Variants in LHFPL3 observed in about 807,000 individuals in gnomAD.
The protein encoded by LHFPL3 is LHFPL tetraspan subfamily member 3.
A neutral mutation model predicts 19.3 loss-of-function variants in LHFPL3; 5 were observed. The observed-to-expected ratio is 0.26, with a 90% CI of 0.14 to 0.54. The LOEUF (loss-of-function observed/expected upper bound fraction) is 0.54, where lower values mean the gene tolerates loss of function less well. Among genes scored for constraint, LHFPL3 ranks in the 20% least tolerant of loss-of-function variants. LHFPL3 has a pLI of 0.94. For synonymous variants in LHFPL3, 133 were observed against 126.2 expected (o/e 1.05, Z -0.36); for missense variants, 249 against 307.4 (o/e 0.81, Z 1.42).
intron 2 of LHFPL3, among the ~76,000 whole-genome samples, chr7:104,786,091 G>C (rs1192237144): frequency 6.6e-6 from 1 of 152,110 alleles, no homozygotes; most frequent in East Asian, 1.9e-4. Flanking sequence ...AGAAGCAACT[G>C]GTGCCTCATG....
At chr7:104,596,288 G>A (rs1362010686) in intron 1 of LHFPL3, among the ~76,000 whole-genome samples, 5 of 152,216 alleles carry the variant, frequency 3.3e-5, no homozygotes. Flanking sequence ...GCAATGAAGA[G>A]CTTCCCTGTG....
At chr7:104,525,437 CAGTT>C in intron 1 of LHFPL3, among the ~76,000 whole-genome samples, 1 of 152,104 alleles carries the variant, frequency 6.6e-6, no homozygotes, top group South Asian at 2.1e-4. Context: ...AAACCCAAGT[CAGTT>C]AATTTAAGCA....
At chr7:104,438,754 A>G (rs1792161679) in intron 1 of LHFPL3, among the ~76,000 whole-genome samples, 1 of 152,126 alleles carries the variant, frequency 6.6e-6, no homozygotes, top group African/African-American at 2.4e-5. Flanking sequence ...ACATATTAGG[A>G]ACAGAGATCA....
intron 1 of LHFPL3, among the ~76,000 whole-genome samples, chr7:104,557,374 G>C (rs1789865917): frequency 1.3e-5 from 2 of 152,166 alleles, no homozygotes; most frequent in African/African-American, 4.8e-5. Flanking sequence ...CGTTTTACAT[G>C]GATGGCAGCA....
chr7:104,900,320 GA>G (rs1792457801), intron 2 of LHFPL3, among the ~76,000 whole-genome samples: 1 of 152,176 alleles, frequency 6.6e-6, no homozygotes, highest in African/African-American at 2.4e-5. Context: ...TGGAAGAAGA[GA>G]AAGAGACGTT....
At chr7:104,628,133 G>C (rs1256486076) in intron 1 of LHFPL3, among the ~76,000 whole-genome samples, 2 of 152,110 alleles carry the variant, frequency 1.3e-5, no homozygotes, top group Non-Finnish European at 2.9e-5. Flanking sequence ...TGAGGTATGT[G>C]GCAATGACAG....
chr7:104,374,282 A>G (rs2116438183), intron 1 of LHFPL3, among the ~76,000 whole-genome samples: 1 of 151,208 alleles, frequency 6.6e-6, no homozygotes, highest in African/African-American at 2.4e-5. Context: ...TTGCTCTGTC[A>G]CCAGGCTGGA....
At chr7:104,903,668 ATTG>A (rs1792538201) in intron 2 of LHFPL3, among the ~76,000 whole-genome samples, 1 of 151,804 alleles carries the variant, frequency 6.6e-6, no homozygotes, top group Non-Finnish European at 1.5e-5. Flanking sequence ...TTTTCGCCAT[ATTG>A]ACCAGGCTGG....
intron 1 of LHFPL3, among the ~76,000 whole-genome samples, chr7:104,365,660 A>G (rs1465914732): frequency 1.3e-5 from 2 of 149,480 alleles, no homozygotes; most frequent in African/African-American, 4.9e-5. Context: ...GGGCGCCTGT[A>G]GTCCCAGCTA....
chr7:104,415,337 T>C (rs1042265529), intron 1 of LHFPL3, among the ~76,000 whole-genome samples: 1 of 152,220 alleles, frequency 6.6e-6, no homozygotes, highest in South Asian at 2.1e-4. Flanking sequence ...CCTACTGTTT[T>C]TGATACGTTT....
chr7:104,571,419 C>T (rs1790228409), intron 1 of LHFPL3, among the ~76,000 whole-genome samples: 1 of 152,104 alleles, frequency 6.6e-6, no homozygotes, highest in African/African-American at 2.4e-5. Context: ...TGTGTTTCAG[C>T]ATAAATCACA....
At position 104,622,463 on chromosome 7, in the gene LHFPL3, A is replaced by G. The variant is rs188379499; in HGVS notation, c.446-114212A>G. ...TTTATCTAGATATAATTCACATACC[A>G]TAAAACTGACATATTTGAAGTGTAC... On this transcript the variant is annotated intron_variant, in intron 1 of 2. Coordinates refer to ENST00000424859, the MANE Select transcript of LHFPL3 (RefSeq NM_199000.3). 3.9e-5 allele frequency among the ~76,000 whole-genome samples: 6 copies of G among 152,338 alleles called. No individual in the cohort carries two copies. The East Asian group carries it at 1.2e-3, about 29-fold the overall frequency.
intron 1 of LHFPL3, among the ~76,000 whole-genome samples, chr7:104,382,665 G>C (rs1197726910): frequency 1.2e-4 from 18 of 152,294 alleles, no homozygotes; most frequent in Non-Finnish European, 2.9e-5. Context: ...GTCACTCTCT[G>C]TATGCCCCAT....
rs779890301 is a variant in LHFPL3, at chr7:104,482,899, C to A, written c.445+153675C>A. ...AGCATAATTCCTCACAAGGCCAAGT[C>A]TCCATGTGGGTTTTTGTTTGTAGGA... On this transcript the variant is annotated intron_variant, in intron 1 of 2. Transcript: ENST00000424859. Among the ~76,000 whole-genome samples, 12 of 152,350 alleles carry A rather than the reference C, an allele frequency of 7.9e-5. No individual in the cohort carries two copies. The Middle Eastern group carries it at 0.01, about 130-fold the overall frequency.
At chr7:104,442,684 TTTAG>T (rs1282048553) in intron 1 of LHFPL3, among the ~76,000 whole-genome samples, 1 of 152,166 alleles carries the variant, frequency 6.6e-6, no homozygotes, top group Non-Finnish European at 1.5e-5. Context: ...CCAGGCAATG[TTTAG>T]TTAGATTATT....
At chr7:104,621,425 G>A (rs1791443716) in intron 1 of LHFPL3, among the ~76,000 whole-genome samples, 1 of 152,172 alleles carries the variant, frequency 6.6e-6, no homozygotes, top group Non-Finnish European at 1.5e-5. Flanking sequence ...TTTGCACACT[G>A]AATTACTTTC....
At chr7:104,809,548 T>C (rs1056149278) in intron 2 of LHFPL3, among the ~76,000 whole-genome samples, 15 of 152,210 alleles carry the variant, frequency 9.9e-5, no homozygotes, top group African/African-American at 2.9e-4. Flanking sequence ...TTTTGACATG[T>C]TTTTTCTTAA....
At chr7:104,771,143 G>C (rs1224767527) in intron 2 of LHFPL3, among the ~76,000 whole-genome samples, 2 of 152,178 alleles carry the variant, frequency 1.3e-5, no homozygotes, top group African/African-American at 4.8e-5. Context: ...AGTATGGGCA[G>C]CTTCTTGCCA....
At chr7:104,542,096 C>G (rs535455844) in intron 1 of LHFPL3, among the ~76,000 whole-genome samples, 3 of 151,970 alleles carry the variant, frequency 2.0e-5, no homozygotes, top group Non-Finnish European at 4.4e-5. Context: ...GCTCAATTCA[C>G]AGGGCTCTCC....
Sources: allele counts gnomAD v4.1 joint callset (sites outside exome capture counted in the v4.1 genomes callset), GRCh38; gene constraint gnomAD v4.1.1; transcripts MANE v1.5; gene names NCBI Gene and HGNC (gene_info 2026-07-23, HGNC 2026-07-21).